The following EVC2 variants were observed in gnomAD, a reference collection of about 807,000 sequenced individuals.
EVC2 encodes limbin.
A neutral mutation model predicts 149.3 loss-of-function variants in EVC2; 148 were observed. The ratio of observed to expected loss-of-function variants is 0.99; its 90% CI spans 0.87 to 1.14. The LOEUF is 1.14. Ranked by LOEUF, EVC2 falls within the 50% of genes most tolerant of loss-of-function variation. The pLI is 0.00. For missense variants in EVC2, 1,854 were observed against 1,627.3 expected, an observed-to-expected ratio of 1.14 and a Z score of -2.40; for synonymous variants, 776 against 649.9, an observed-to-expected ratio of 1.19 and a Z score of -2.95.
chr4:5,674,162 C>T (rs1048045553), intron 7 of EVC2, among the ~76,000 whole-genome samples: 1 of 152,074 alleles, frequency 6.6e-6, no homozygotes, highest in African/African-American at 2.4e-5. Flanking sequence ...GAGGGGCAGC[C>T]CTGAGGGCAA....
At chr4:5,565,033 G>T (rs1056650806) in intron 21 of EVC2, among the ~76,000 whole-genome samples, 4 of 152,212 alleles carry the variant, frequency 2.6e-5, no homozygotes, top group Non-Finnish European at 5.9e-5. Flanking sequence ...AATACAGAAT[G>T]TAAATGTTAA....
chr4:5,618,735 G>T lies in EVC2; in HGVS notation c.2502-53C>A. ...TAACACAGAGAAAGCCTGGGGGCTG[G>T]GCTGGGGTGAAGAAGCCAGAGATGC... On this transcript the variant is annotated intron_variant, in intron 14 of 21. Coordinates refer to ENST00000344408, the MANE Select transcript of EVC2 (RefSeq NM_147127.5). This position sits in a 1 kb window ranked among gnomAD's most constrained non-coding sequence, Gnocchi z 4.4. 6.5e-7 allele frequency: 1 copy of T among 1,528,514 alleles called. No individual in the cohort carries two copies. The allele number at this position is 1,528,514 out of a possible 1,614,324, so 94.7% of individuals were successfully genotyped here. A position where few individuals can be genotyped will look rare whatever the true frequency, so the allele number is the denominator to read the frequency against.
At position 5,574,173 on chromosome 4, in the gene EVC2, C is replaced by A. The variant is rs140388179; in HGVS notation, c.3360+512G>T. Reference sequence around the variant, plus strand: ...TCGCAGGATGCGTATAAAACCCGATCGGTAGCAGACAGTCAGGTACATGAC... The same window carrying A: ...TCGCAGGATGCGTATAAAACCCGATAGGTAGCAGACAGTCAGGTACATGAC... On this transcript the variant is annotated intron_variant, in intron 19 of 21. Transcript: ENST00000344408. 2.6e-5 allele frequency among the ~76,000 whole-genome samples: 4 copies of A among 152,316 alleles called. No individual in the cohort carries two copies. The East Asian group carries it at 5.8e-4, about 22-fold the overall frequency.
At chr4:5,600,570 G>C (rs1256038150) in intron 16 of EVC2, among the ~76,000 whole-genome samples, 2 of 152,142 alleles carry the variant, frequency 1.3e-5, no homozygotes, top group East Asian at 3.9e-4. Flanking sequence ...AAACAACAGT[G>C]ATACAATTTT....
chr4:5,616,859 T>C (rs1049140867), intron 15 of EVC2, among the ~76,000 whole-genome samples: 1 of 152,170 alleles, frequency 6.6e-6, no homozygotes, highest in Non-Finnish European at 1.5e-5. Context: ...GCCATTTCCA[T>C]CTGAAAACCA....
intron 10 of EVC2, among the ~76,000 whole-genome samples, chr4:5,632,377 C>G (rs1182264305): frequency 1.3e-5 from 2 of 152,218 alleles, no homozygotes; most frequent in Non-Finnish European, 2.9e-5. Context: ...GACACACACA[C>G]AGTCCCAAGC....
chr4:5,553,021 T>G (rs1174205699), intron 21 of EVC2, among the ~76,000 whole-genome samples: 1 of 152,204 alleles, frequency 6.6e-6, no homozygotes, highest in Non-Finnish European at 1.5e-5. Flanking sequence ...TGATGGATAT[T>G]GCCGGTATTG....
downstream of EVC2, among the ~76,000 whole-genome samples, chr4:5,542,358 G>A (rs977035536): frequency 6.6e-6 from 1 of 152,218 alleles, no homozygotes; most frequent in Non-Finnish European, 1.5e-5. Flanking sequence ...AGGAAGCAGA[G>A]GTGGGAGGAC....
chr4:5,662,101 A>C (rs1192929023), intron 9 of EVC2, among the ~76,000 whole-genome samples: 1 of 152,004 alleles, frequency 6.6e-6, no homozygotes, highest in Non-Finnish European at 1.5e-5. Context: ...TTCTATACTC[A>C]ATACCCCAAT....
rs1195701165 is a variant in EVC2 at position 5,615,532 on chromosome 4, C to T, written c.2719G>A (p.Val907Met). 2 of 1,614,076 alleles carry T rather than the reference C, an allele frequency of 1.2e-6. No homozygotes were observed. Among genetic ancestry groups the T allele is most frequent in the African/African-American group, 1.3e-5 (1 of 74,908 alleles). The stretch of plus-strand genomic sequence containing the variant: ...TTACTCTTGGACCGTGACTTTCTCA[C>T]CTTGGACTGTTGCTGGAGAGGGGTT... ...AAPELQQQSKVRKSRSKSKSK... is the reference protein window; with the variant it reads ...AAPELQQQSKMRKSRSKSKSK... The change falls in exon 16 of 22, where the codon GTG becomes ATG. Residue 907 changes from valine to methionine, a missense_variant. Physicochemically the swap from Val to Met is conservative, Grantham distance 21. Coordinates refer to ENST00000344408, the MANE Select transcript of EVC2 (RefSeq NM_147127.5).
At chr4:5,563,524 T>C (rs1352060438) in intron 21 of EVC2, among the ~76,000 whole-genome samples, 2 of 152,200 alleles carry the variant, frequency 1.3e-5, no homozygotes, top group African/African-American at 2.4e-5. Flanking sequence ...TTTCTTTTAA[T>C]AGAGACGGGG....
intron 9 of EVC2, among the ~76,000 whole-genome samples, chr4:5,658,446 CT>C (rs1718671533): frequency 6.6e-6 from 1 of 152,176 alleles, no homozygotes. Context: ...ACATAAAAAA[CT>C]ACTAAACACA....
At position 5,633,647 on chromosome 4, in the gene EVC2, G is replaced by T. The variant is rs905292683; in HGVS notation, c.1471-1615C>A. Among the ~76,000 whole-genome samples, 3 of 152,204 alleles carry T rather than the reference G, an allele frequency of 2.0e-5. No homozygotes were observed. Among genetic ancestry groups the T allele is most frequent in the African/African-American group, 7.2e-5 (3 of 41,468 alleles). ...CAGCCATCCCAAATGGCCAATAAAG[G>T]CCTGGCCTTGGGAAGCAGGCAGGTG... On this transcript the variant is annotated intron_variant, in intron 10 of 21. Coordinates refer to ENST00000344408, the MANE Select transcript of EVC2 (RefSeq NM_147127.5). This position sits in a 1 kb window ranked among gnomAD's most constrained non-coding sequence, Gnocchi z 4.4.
intron 9 of EVC2, among the ~76,000 whole-genome samples, chr4:5,650,031 G>A (rs1177964632): frequency 6.6e-6 from 1 of 152,156 alleles, no homozygotes; most frequent in African/African-American, 2.4e-5. Context: ...GTAAAACCTA[G>A]ACTGCAAGGT....
rs60152528 is a variant in EVC2 at position 5,643,251 on chromosome 4, G to A, written c.1146-2413C>T. On this transcript the variant is annotated intron_variant, in intron 9 of 21. Transcript: ENST00000344408. The stretch of plus-strand genomic sequence containing the variant: ...AAAAGCAGAGGGATGAAATTCCCAC[G>A]TGAAGGATGGCATCCCTGTACTGGA... Among the ~76,000 whole-genome samples, 796 of 152,274 alleles carry A rather than the reference G, an allele frequency of 5.2e-3. 15 individuals carry two copies. Among genetic ancestry groups the A allele is most frequent in the African/African-American group, 0.016 (684 of 41,556 alleles).
intron 17 of EVC2, among the ~76,000 whole-genome samples, chr4:5,583,860 G>GT (rs11284060): frequency 0.31 from 44,780 of 145,606 alleles, 7,883 homozygotes; most frequent in East Asian, 0.85. Flanking sequence ...AAGAAACACA[G>GT]TTTTTTTTTT....
chr4:5,561,925 T>C (rs572988264), downstream of EVC2, among the ~76,000 whole-genome samples: 1 of 152,266 alleles, frequency 6.6e-6, no homozygotes, highest in African/African-American at 2.4e-5. Context: ...CATCCCCTAC[T>C]GTCAGAGAAT....
At position 5,594,387 on chromosome 4, in the gene EVC2, C is replaced by T. The variant is rs532334301; in HGVS notation, c.2830-9537G>A. On this transcript the variant is annotated intron_variant, in intron 16 of 21. Transcript: ENST00000344408. ...CTCTGAGACAAAACTTCCAGAGGAA[C>T]GATCAGACAGCAGCATTCGCGGTTC... Among the ~76,000 whole-genome samples the T allele has an allele frequency of 2.6e-3, 400 of 152,298 alleles. 4 individuals are homozygous for T. The highest frequency in any genetic ancestry group is 8.6e-3 in the African/African-American group (356 of 41,564).
chr4:5,553,177 A>G (rs1484056738), intron 21 of EVC2, among the ~76,000 whole-genome samples: 1 of 152,220 alleles, frequency 6.6e-6, no homozygotes, highest in Non-Finnish European at 1.5e-5. Context: ...CAGGAAACCA[A>G]ATCATGGCAG....
Sources: allele counts gnomAD v4.1 joint callset (sites outside exome capture counted in the v4.1 genomes callset), GRCh38; gene constraint gnomAD v4.1.1; non-coding constraint Gnocchi (gnomAD v3.1); transcripts MANE v1.5; gene names NCBI Gene and HGNC (gene_info 2026-07-23, HGNC 2026-07-21).